The following GHR variants were observed in gnomAD, a reference collection of about 807,000 sequenced individuals.
GHR encodes the protein GH receptor.
GHR carries 35 observed loss-of-function variants against 67.1 expected under a neutral mutation model. The ratio of observed to expected loss-of-function variants is 0.52; its 90% confidence interval spans 0.40 to 0.69. GHR has a LOEUF of 0.69. Among genes scored for constraint, GHR ranks in the 30% least tolerant of loss-of-function variants. The probability of loss-of-function intolerance (pLI) is 0.00; values close to 1 mark genes in which losing one functional copy is unlikely to be tolerated. For missense variants in GHR, 792 were observed against 764.6 expected, an observed-to-expected ratio of 1.04 and a Z score of -0.42; for synonymous variants, 272 against 269.1, an observed-to-expected ratio of 1.01 and a Z score of -0.10.
rs1345109121 is a variant in GHR at position 42,474,342 on chromosome 5, G to GA, written c.-12+50390dup. On this transcript the variant is annotated intron_variant, in intron 1 of 9. Coordinates refer to ENST00000230882, the MANE Select transcript of GHR (RefSeq NM_000163.5). Reference sequence around the variant, plus strand: ...GAAAGAAAGAAAGAAAGAAAGAAAAGAAATAAAGAAAGAAAGCAAAGTGTC... The same window carrying GA: ...GAAAGAAAGAAAGAAAGAAAGAAAAGAAAATAAAGAAAGAAAGCAAAGTGTC... Among the ~76,000 whole-genome samples, 30 of 127,742 alleles carry GA rather than the reference G, an allele frequency of 2.3e-4. No homozygotes were observed. In the East Asian group the frequency reaches 6.1e-3, roughly 26 times the overall value. The allele number at this position is 127,742 out of a possible 152,430, so 83.8% of individuals were successfully genotyped here. A position where few individuals can be genotyped will look rare whatever the true frequency, so the allele number is the denominator to read the frequency against.
At chr5:42,713,794 A>G in intron 8 of GHR, 1 of 362,612 alleles carries the variant, frequency 2.8e-6, no homozygotes. Flanking sequence ...TGTGATATGT[A>G]CCTCTTTATC....
At chr5:42,479,366 C>T (rs1745501399) in intron 1 of GHR, among the ~76,000 whole-genome samples, 1 of 152,100 alleles carries the variant, frequency 6.6e-6, no homozygotes, top group Admixed American at 6.6e-5. Context: ...TGTGTCTCTG[C>T]CAGGCTTTGG....
At chr5:42,539,934 A>G (rs1003802359) in intron 1 of GHR, among the ~76,000 whole-genome samples, 3 of 152,194 alleles carry the variant, frequency 2.0e-5, no homozygotes, top group African/African-American at 2.4e-5. Flanking sequence ...TACGCTATTA[A>G]GTACTGTATA....
In GHR at chr5:42,680,141, A is replaced by G. The variant is rs1050751486; in HGVS notation, c.137-8749A>G. Among the ~76,000 whole-genome samples the G allele has an allele frequency of 3.3e-5, 5 of 152,258 alleles. 1 individual carries two copies. In the South Asian group the frequency reaches 8.3e-4, roughly 25 times the overall value. ...CAAGAAGTAGACTTGTTCTACTGCA[A>G]TCACCATCTCTTGTTTATTATTTGT... On this transcript the variant is annotated intron_variant, in intron 3 of 9. Transcript: ENST00000230882.
chr5:42,463,603 A>G (rs1744580287), intron 1 of GHR, among the ~76,000 whole-genome samples: 2 of 152,210 alleles, frequency 1.3e-5, no homozygotes, highest in African/African-American at 4.8e-5. Flanking sequence ...AGGGAGTGGT[A>G]GTGGTTGGAC....
intron 1 of GHR, chr5:42,467,895 C>T (rs772511218): frequency 7.3e-5 from 58 of 795,252 alleles, no homozygotes; most frequent in Middle Eastern, 2.4e-4. Context: ...TTCTGGTCTT[C>T]CTCTTCTTTG....
intron 1 of GHR, among the ~76,000 whole-genome samples, chr5:42,539,711 G>A (rs993150427): frequency 7.9e-5 from 12 of 152,066 alleles, no homozygotes; most frequent in African/African-American, 2.9e-4. Context: ...TCATTGTTCT[G>A]TAATGCCTCC....
intron 1 of GHR, among the ~76,000 whole-genome samples, chr5:42,504,554 A>G (rs1453727545): frequency 6.6e-6 from 1 of 151,872 alleles, no homozygotes; most frequent in South Asian, 2.1e-4. Flanking sequence ...AGGTCAGGAG[A>G]TTGAGATCAT....
At chr5:42,496,391 A>G (rs1746320589) in intron 1 of GHR, among the ~76,000 whole-genome samples, 1 of 151,902 alleles carries the variant, frequency 6.6e-6, no homozygotes. Flanking sequence ...TTTTTTTTAA[A>G]TCTTGGTGCA....
chr5:42,443,626 G>A (rs1743677343), intron 1 of GHR, among the ~76,000 whole-genome samples: 2 of 152,116 alleles, frequency 1.3e-5, no homozygotes, highest in African/African-American at 4.8e-5. Flanking sequence ...GTGTGTGTGT[G>A]TGTGTAGATT....
rs78971149 is a variant in GHR, at chr5:42,587,176, A to G, written c.70+21232A>G. ...ACATGTGTCTACAGTCAGGACAAAC[A>G]AGTGAACAAAAACAAAGCAAAAGCA... On this transcript the variant is annotated intron_variant, in intron 2 of 9. Coordinates refer to ENST00000230882, the MANE Select transcript of GHR (RefSeq NM_000163.5). Among the ~76,000 whole-genome samples, 1,460 of 152,346 alleles carry G rather than the reference A, an allele frequency of 9.6e-3. 13 individuals carry two copies. The highest frequency in any genetic ancestry group is 0.037 in the Middle Eastern group (11 of 294).
At chr5:42,706,290 T>C (rs1290149887) in intron 6 of GHR, among the ~76,000 whole-genome samples, 1 of 152,160 alleles carries the variant, frequency 6.6e-6, no homozygotes, top group African/African-American at 2.4e-5. Context: ...ATTCTGGATA[T>C]TAGACATTTG....
intron 1 of GHR, among the ~76,000 whole-genome samples, chr5:42,501,131 T>TA (rs1294680335): frequency 6.6e-6 from 1 of 152,204 alleles, no homozygotes; most frequent in East Asian, 1.9e-4. Context: ...GAGACAATGC[T>TA]AGGAGGAGGG....
intron 1 of GHR, among the ~76,000 whole-genome samples, chr5:42,557,979 C>T (rs1243311153): frequency 6.6e-6 from 1 of 152,144 alleles, no homozygotes. Flanking sequence ...TGAATCCAGT[C>T]AGTGAATTAA....
intron 3 of GHR, among the ~76,000 whole-genome samples, chr5:42,659,691 G>A (rs556391982): frequency 6.6e-6 from 1 of 152,300 alleles, no homozygotes; most frequent in African/African-American, 2.4e-5. Context: ...ACAGAAGACG[G>A]GTGATTTCTG....
intron 2 of GHR, among the ~76,000 whole-genome samples, chr5:42,619,119 A>G (rs1355357950): frequency 6.6e-6 from 1 of 152,098 alleles, no homozygotes; most frequent in African/African-American, 2.4e-5. Context: ...CTATGACAAT[A>G]AAGGATTGCA....
chr5:42,548,952 A>G (rs1332630799), intron 1 of GHR, among the ~76,000 whole-genome samples: 1 of 152,250 alleles, frequency 6.6e-6, no homozygotes, highest in Non-Finnish European at 1.5e-5. Context: ...ATTTGCACTC[A>G]GGAAATACTT....
intron 2 of GHR, among the ~76,000 whole-genome samples, chr5:42,599,187 G>A (rs1202599501): frequency 2.0e-5 from 3 of 152,126 alleles, no homozygotes; most frequent in African/African-American, 2.4e-5. Context: ...ATTGGAAGAG[G>A]TGACTATGTC....
chr5:42,556,901 C>T (rs1178017308), intron 1 of GHR, among the ~76,000 whole-genome samples: 1 of 152,214 alleles, frequency 6.6e-6, no homozygotes, highest in Non-Finnish European at 1.5e-5. Flanking sequence ...CATGCCCCTT[C>T]TTCTTTCACT....
Sources: allele counts gnomAD v4.1 joint callset (sites outside exome capture counted in the v4.1 genomes callset), GRCh38; gene constraint gnomAD v4.1.1; transcripts MANE v1.5; gene names NCBI Gene and HGNC (gene_info 2026-07-23, HGNC 2026-07-21).